NRXN1: variants seen among roughly 807,000 people sequenced by gnomAD.
NRXN1 encodes the protein neurexin-1.
Under a neutral mutation model 150.9 loss-of-function variants are expected in NRXN1, and 39 were observed. The observed-to-expected ratio is 0.26, with a 90% confidence interval of 0.20 to 0.34. NRXN1 has a LOEUF of 0.34. Ranked by LOEUF, NRXN1 falls within the 10% of genes least tolerant of loss-of-function variation. The pLI is 1.00. For missense variants in NRXN1, 1,815 were observed against 1,949.9 expected (o/e 0.93, Z 1.30); for synonymous variants, 924 against 757.0 (o/e 1.22, Z -3.62).
At chr2:50,895,694 C>A (rs962549458) in intron 5 of NRXN1, among the ~76,000 whole-genome samples, 1 of 151,686 alleles carries the variant, frequency 6.6e-6, no homozygotes, top group Non-Finnish European at 1.5e-5. Context: ...AATGGTCCTG[C>A]CTCAGCCTCC....
rs191064821 is a variant in NRXN1 at position 51,025,362 on chromosome 2, A to C, written c.772+2140T>G. The stretch of plus-strand genomic sequence containing the variant: ...GCTATCCATTTGCAAAATAAAATGC[A>C]TTTCAGATACATCTAATTCTGCTTC... On this transcript the variant is annotated intron_variant, in intron 2 of 22. Transcript: ENST00000401669. Among the ~76,000 whole-genome samples, 45 of 152,318 alleles carry C rather than the reference A, an allele frequency of 3.0e-4. No individual in the cohort carries two copies. The East Asian group carries it at 7.9e-3, about 27-fold the overall frequency.
chr2:51,027,517 T>C lies in NRXN1; in HGVS notation c.757A>G (p.Lys253Glu). Residue 253 changes from lysine (K) to glutamate (E), a missense_variant, in exon 2 of 23, where the codon AAG becomes GAG. Coordinates refer to ENST00000401669, the MANE Select transcript of NRXN1 (RefSeq NM_001330078.2). ...CDCSRTGFRG[K>E]DCSQEDNNVE... ...CGGGCCTTACCTTGGCTGCAGTCCT[T>C]GCCGCGGAAGCCGGTTCGCGAGCAG... is the stretch of plus-strand genomic sequence containing the variant. 3 of 1,542,384 alleles carry C rather than the reference T, an allele frequency of 1.9e-6. No homozygotes were observed. The highest frequency in any genetic ancestry group is 2.6e-6 in the Non-Finnish European group (3 of 1,141,322).
intron 2 of NRXN1, among the ~76,000 whole-genome samples, chr2:51,008,681 G>C (rs1215168589): frequency 6.6e-6 from 1 of 151,468 alleles, no homozygotes; most frequent in Non-Finnish European, 1.5e-5. Flanking sequence ...GATACTAAAA[G>C]CATCAATATA....
chr2:50,486,127 G>T (rs908624642), intron 15 of NRXN1, among the ~76,000 whole-genome samples: 2 of 152,160 alleles, frequency 1.3e-5, no homozygotes, highest in Non-Finnish European at 2.9e-5. Flanking sequence ...GTGATCGGTT[G>T]CGGTAAAACC....
chr2:49,949,372 G>A (rs1203945844), intron 21 of NRXN1, among the ~76,000 whole-genome samples: 5 of 151,858 alleles, frequency 3.3e-5, no homozygotes, highest in African/African-American at 1.2e-4. Context: ...TAGCTTAACT[G>A]CATATCTGTG....
intron 17 of NRXN1, among the ~76,000 whole-genome samples, chr2:50,455,304 T>C (rs1049081863): frequency 6.6e-6 from 1 of 152,144 alleles, no homozygotes; most frequent in Non-Finnish European, 1.5e-5. Context: ...GAAGACCTAC[T>C]CCATTTGGCT....
intron 21 of NRXN1, among the ~76,000 whole-genome samples, chr2:50,042,545 C>T (rs960394882): frequency 1.6e-4 from 24 of 152,088 alleles, no homozygotes; most frequent in African/African-American, 4.1e-4. Context: ...CTTATAGCAG[C>T]GTGGGAATGG....
At chr2:50,152,367 T>A (rs2058746010) in intron 18 of NRXN1, among the ~76,000 whole-genome samples, 1 of 151,768 alleles carries the variant, frequency 6.6e-6, no homozygotes, top group Admixed American at 6.6e-5. Context: ...ACCCTGCATA[T>A]GTCAGAATTT....
chr2:50,868,050 G>A (rs371610287), intron 5 of NRXN1, among the ~76,000 whole-genome samples: 9 of 148,866 alleles, frequency 6.0e-5, no homozygotes, highest in East Asian at 4.0e-4. Flanking sequence ...TCCCCAAACC[G>A]CAGAAAATTT....
intron 18 of NRXN1, among the ~76,000 whole-genome samples, chr2:50,108,081 T>C (rs1701914833): frequency 6.6e-6 from 1 of 151,806 alleles, no homozygotes; most frequent in African/African-American, 2.4e-5. Context: ...TATGTTGCCT[T>C]TGGAAAAATA....
chr2:50,745,385 C>G (rs568201961), intron 5 of NRXN1, among the ~76,000 whole-genome samples: 2 of 129,366 alleles, frequency 1.5e-5, no homozygotes, highest in Non-Finnish European at 3.3e-5. Context: ...CCCCTCCCTT[C>G]CCTTCCTCTC....
chr2:50,194,135 A>G (rs2061609861), intron 18 of NRXN1, among the ~76,000 whole-genome samples: 1 of 152,210 alleles, frequency 6.6e-6, no homozygotes, highest in African/African-American at 2.4e-5. Context: ...GGTTCTGATT[A>G]CATAATGGTA....
chr2:50,637,592 G>C (rs1436199232), intron 5 of NRXN1: 1 of 152,224 alleles, frequency 6.6e-6, no homozygotes, highest in Non-Finnish European at 1.5e-5. Context: ...CCAAACTCTT[G>C]AACTCACAGT....
intron 22 of NRXN1, chr2:49,926,478 A>G (rs1669126733): frequency 1.5e-5 from 6 of 397,114 alleles, no homozygotes; most frequent in Non-Finnish European, 2.7e-5. Flanking sequence ...CGAGCTATCA[A>G]ATGTTTGGAC....
Position 50,506,476 on chromosome 2 carries a change from A to G in NRXN1, c.2497+19T>C, listed in dbSNP as rs768550612. The G allele has an allele frequency of 6.2e-7, 1 of 1,602,324 alleles. No individual in the cohort carries two copies. Among genetic ancestry groups the G allele is most frequent in the South Asian group, 1.1e-5 (1 of 89,162 alleles). ...AAAAGCGTTAGCATAGGAAAAGACAATGGGACAGAGGTGTTTACCTGTCAT... is the reference window on the plus strand; with the variant it reads ...AAAAGCGTTAGCATAGGAAAAGACAGTGGGACAGAGGTGTTTACCTGTCAT... On this transcript the variant is annotated intron_variant, in intron 13 of 22. Transcript: ENST00000401669.
chr2:50,153,868 A>G (rs2058850042), intron 18 of NRXN1, among the ~76,000 whole-genome samples: 1 of 151,722 alleles, frequency 6.6e-6, no homozygotes, highest in Non-Finnish European at 1.5e-5. Context: ...AGTAGTCAGA[A>G]ATCAAAACAC....
At chr2:50,330,303 C>T (rs1056087900) in intron 17 of NRXN1, among the ~76,000 whole-genome samples, 2 of 152,136 alleles carry the variant, frequency 1.3e-5, no homozygotes, top group African/African-American at 4.8e-5. Flanking sequence ...TTTTCCAAAT[C>T]TTCTATAGCG....
chr2:50,421,394 A>G (rs549495110), intron 17 of NRXN1, among the ~76,000 whole-genome samples: 6 of 152,238 alleles, frequency 3.9e-5, no homozygotes, highest in African/African-American at 1.4e-4. Flanking sequence ...TAAGTGGGAA[A>G]GTAAGGCCTT....
intron 2 of NRXN1, among the ~76,000 whole-genome samples, chr2:50,957,345 AT>A (rs1692440279): frequency 6.6e-6 from 1 of 152,114 alleles, no homozygotes; most frequent in Admixed American, 6.6e-5. Flanking sequence ...ACTTACATAA[AT>A]TTTTTATGAG....
Sources: gnomAD v4.1 joint callset for allele counts (sites outside exome capture counted in the v4.1 genomes callset) on GRCh38, gnomAD v4.1.1 for gene constraint, MANE v1.5 for transcripts, NCBI Gene and HGNC (gene_info 2026-07-23, HGNC 2026-07-21) for gene names.